Variants in ACACA observed in about 807,000 individuals in gnomAD.
ACACA encodes acetyl-CoA carboxylase alpha, also known as acetyl-CoA carboxylase 1.
In ACACA, 103 loss-of-function variants were observed where a neutral mutation model predicts 296.1. The observed-to-expected ratio is 0.35, with a 90% CI of 0.30 to 0.41. ACACA has a LOEUF of 0.41. ACACA is among the 10% of genes least tolerant of loss of function. ACACA has a pLI of 1.00. For synonymous variants in ACACA, 953 were observed against 1,038.6 expected, an observed-to-expected ratio of 0.92 and a Z score of 1.58; for missense variants, 1,554 against 2,989.7, an observed-to-expected ratio of 0.52 and a Z score of 11.20.
rs1244502599 is a variant in ACACA at position 37,085,628 on chromosome 17, C to G, written c.*1688G>C. 2.5e-6 allele frequency: 1 copy of G among 399,094 alleles called. No individual in the cohort carries two copies. Among genetic ancestry groups the G allele is most frequent in the African/African-American group, 2.1e-5 (1 of 48,618 alleles). The allele number at this position is 399,094 out of a possible 1,614,324, so 24.7% of individuals were successfully genotyped here. On this transcript the variant is annotated 3_prime_UTR_variant, in exon 56 of 56. Transcript: ENST00000616317. ...TTTCTGAAGGTGCTGAACACCTGTA[C>G]CTTCCACCAGGGCAGCCGGGCTGAG...
intron 2 of ACACA, among the ~76,000 whole-genome samples, chr17:37,334,418 C>T (rs2048017605): frequency 6.6e-6 from 1 of 152,118 alleles, no homozygotes; most frequent in Admixed American, 6.5e-5. Flanking sequence ...CAAGTCCCTT[C>T]CCTCTAATTC....
chr17:37,113,138 G>T lies in ACACA; in HGVS notation c.6402C>A (p.Asp2134Glu). ...ELRGGSWVVI[D>E]SSINPRHMEM... ...CCATGTGCCGGGGGTTGATGGAGGA[G>T]TCAATCACCACCCAGGAGCCACCCC... The change falls in exon 51 of 56, where the codon GAC becomes GAA. Residue 2134 changes from aspartate to glutamate, a missense_variant. By Grantham distance (45) the Asp-to-Glu change is conservative (BLOSUM62 2). Around this residue, in one of 16 missense-constraint regions of ACACA, gnomAD observed 553 missense variants for 1,043.6 expected, o/e 0.53. Transcript: ENST00000616317. The surrounding 1 kb of genome is among the most constrained non-coding windows in gnomAD (Gnocchi z 4.0). The T allele has an allele frequency of 6.2e-7, 1 of 1,614,204 alleles. No homozygotes were observed. The highest frequency in any genetic ancestry group is 1.1e-5 in the South Asian group (1 of 91,082).
At chr17:37,404,696 T>G (rs1207499814) in intron 1 of ACACA, among the ~76,000 whole-genome samples, 1 of 150,504 alleles carries the variant, frequency 6.6e-6, no homozygotes, top group Non-Finnish European at 1.5e-5. Flanking sequence ...TACCTCAGCC[T>G]CCCGAGTAGC....
chr17:37,121,260 G>C (rs1194830382), intron 50 of ACACA, 95 bp downstream of exon 50: 1 of 1,559,548 alleles, frequency 6.4e-7, no homozygotes, highest in African/African-American at 1.4e-5. Context: ...AGGCTATTAG[G>C]ACACCCACAG....
rs1020383390 is a variant in ACACA at position 37,244,706 on chromosome 17, C to T, written c.2624G>A (p.Arg875Gln). The stretch of plus-strand genomic sequence containing the variant: ...GCCTCTGAGTGCCGTGCTCTGGATC[C>T]GTGGCAGACTACCTGTGTGAAGTTC... ...QAELHTGSLPRIQSTALRGEK... is the reference protein window; with the variant it reads ...QAELHTGSLPQIQSTALRGEK... The change falls in exon 21 of 56, where the codon CGG (arginine) becomes CAG (glutamine). Residue 875 changes from arginine (R) to glutamine (Q), a missense_variant. Physicochemically the swap from Arg to Gln is conservative, Grantham distance 43. Transcript: ENST00000616317. The T allele has an allele frequency of 1.5e-5, 24 of 1,614,164 alleles. No individual in the cohort carries two copies. The highest frequency in any genetic ancestry group is 1.8e-5 in the Non-Finnish European group (21 of 1,180,032).
chr17:37,159,823 G>A (rs1253470606), intron 42 of ACACA, among the ~76,000 whole-genome samples: 1 of 152,096 alleles, frequency 6.6e-6, no homozygotes, highest in Non-Finnish European at 1.5e-5. Flanking sequence ...AGATGTGAAA[G>A]GCAGCAAAGG....
rs1467378805 is a variant in ACACA, at chr17:37,235,099, C to T, written c.3122G>A (p.Gly1041Asp). The T allele has an allele frequency of 1.2e-6, 2 of 1,612,888 alleles. No homozygotes were observed. Among genetic ancestry groups the T allele is most frequent in the Non-Finnish European group, 1.7e-6 (2 of 1,179,822 alleles). The change falls in exon 25 of 56, where the codon GGT becomes GAT. Residue 1041 changes from glycine to aspartate, a missense_variant and splice_region_variant. By Grantham distance (94) the Gly-to-Asp change is moderately conservative. Transcript: ENST00000616317. ...GGCGAATACACATTTGTCATAGTGA[C>T]CTGCACACCATGAAAAGAACTGGTT... ...YLRVETQFQN[G>D]HYDKCVFALR...
intron 33 of ACACA, 86 bp from the exon 34 acceptor site, chr17:37,200,569 G>A (rs879677752): frequency 1.3e-5 from 16 of 1,272,360 alleles, no homozygotes; most frequent in Non-Finnish European, 1.7e-5. Context: ...GTAAGGCTTT[G>A]GTGGAGTTAA....
intron 3 of ACACA, among the ~76,000 whole-genome samples, chr17:37,329,936 G>A (rs145588693): frequency 0.034 from 5,114 of 151,712 alleles, 121 homozygotes; most frequent in Middle Eastern, 0.11. Flanking sequence ...GCAAGACTCC[G>A]TCTCAAAAAA....
intron 45 of ACACA, among the ~76,000 whole-genome samples, chr17:37,136,651 A>T (rs1178816340): frequency 6.6e-6 from 1 of 152,118 alleles, no homozygotes; most frequent in Non-Finnish European, 1.5e-5. Context: ...CATTAAAAAA[A>T]AACCATTTAG....
intron 47 of ACACA, among the ~76,000 whole-genome samples, chr17:37,126,302 T>C (rs1257171466): frequency 6.6e-6 from 1 of 152,168 alleles, no homozygotes; most frequent in Non-Finnish European, 1.5e-5. Context: ...GGAACTCAGT[T>C]TCTCCGCTAC....
At chr17:37,267,800 A>C (rs1445774721) in intron 10 of ACACA, among the ~76,000 whole-genome samples, 1 of 149,406 alleles carries the variant, frequency 6.7e-6, no homozygotes, top group Non-Finnish European at 1.5e-5. Context: ...TTGCTCTGTC[A>C]CCCAGACTGG....
At chr17:37,292,880 A>T (rs1013578713) in intron 3 of ACACA, among the ~76,000 whole-genome samples, 1 of 151,766 alleles carries the variant, frequency 6.6e-6, no homozygotes, top group African/African-American at 2.4e-5. Context: ...AAAGAAATTG[A>T]CTCTAGGCAA....
chr17:37,149,723 A>T, intron 45 of ACACA, 141 bp downstream of exon 45: 1 of 730,140 alleles, frequency 1.4e-6, no homozygotes, highest in Non-Finnish European at 2.4e-6. Context: ...AATGGGCAGA[A>T]AAGATGGAGG....
chr17:37,140,652 C>T (rs1000466391), intron 45 of ACACA: 1 of 183,250 alleles, frequency 5.5e-6, no homozygotes, highest in Admixed American at 5.5e-5. Flanking sequence ...TGCATGGAGA[C>T]TCTGGTGTGG....
At chr17:37,246,159 T>TG (rs1223118979) in intron 19 of ACACA, among the ~76,000 whole-genome samples, 2 of 152,204 alleles carry the variant, frequency 1.3e-5, no homozygotes, top group Non-Finnish European at 2.9e-5. Context: ...TTGGGTTAGG[T>TG]GACCCTCTGC....
At chr17:37,322,167 A>T (rs1197978874) in intron 3 of ACACA, among the ~76,000 whole-genome samples, 1 of 152,220 alleles carries the variant, frequency 6.6e-6, no homozygotes, top group Non-Finnish European at 1.5e-5. Flanking sequence ...TTTCTAGATC[A>T]GAAAAGAAAT....
intron 15 of ACACA, among the ~76,000 whole-genome samples, chr17:37,252,513 G>A (rs984336625): frequency 1.3e-5 from 2 of 152,130 alleles, no homozygotes; most frequent in African/African-American, 2.4e-5. Flanking sequence ...GGATAATTTA[G>A]CATAGCCCCA....
At chr17:37,137,810 G>C (rs769205894) in intron 45 of ACACA, among the ~76,000 whole-genome samples, 2 of 152,126 alleles carry the variant, frequency 1.3e-5, no homozygotes, top group Non-Finnish European at 2.9e-5. Flanking sequence ...TATTATGTTA[G>C]GAATGCTCTT....
Sources: allele counts gnomAD v4.1 joint callset (sites outside exome capture counted in the v4.1 genomes callset), GRCh38; gene constraint gnomAD v4.1.1; regional missense constraint gnomAD v4.1.1; non-coding constraint Gnocchi (gnomAD v3.1); transcripts MANE v1.5; gene names NCBI Gene and HGNC (gene_info 2026-07-23, HGNC 2026-07-21).